NEK6: variants seen among roughly 807,000 people sequenced by gnomAD.
The protein encoded by NEK6 is NIMA related kinase 6.
A neutral mutation model predicts 43.5 loss-of-function variants in NEK6; 27 were observed. That is an observed-to-expected ratio of 0.62 (90% confidence interval 0.46 to 0.86). The LOEUF (loss-of-function observed/expected upper bound fraction) is 0.86. Ranked by LOEUF, NEK6 falls within the 40% of genes least tolerant of loss-of-function variation. The pLI is 0.00. For missense variants in NEK6, 318 were observed against 414.4 expected (o/e 0.77, Z 2.02); for synonymous variants, 167 against 164.1 (o/e 1.02, Z -0.14).
intron 1 of NEK6, among the ~76,000 whole-genome samples, chr9:124,263,401 C>T (rs1349100986): frequency 6.6e-6 from 1 of 152,198 alleles, no homozygotes; most frequent in Non-Finnish European, 1.5e-5. Flanking sequence ...AGGCTGGAGT[C>T]CCAGACCTGC....
intron 1 of NEK6, among the ~76,000 whole-genome samples, chr9:124,277,691 T>C (rs1831701724): frequency 6.6e-6 from 1 of 152,200 alleles, no homozygotes; most frequent in Non-Finnish European, 1.5e-5. Context: ...TATTTCTGCG[T>C]GTCGTTTATT....
At chr9:124,303,006 A>G (rs2130803271) in intron 2 of NEK6, among the ~76,000 whole-genome samples, 1 of 152,360 alleles carries the variant, frequency 6.6e-6, no homozygotes, top group Middle Eastern at 3.4e-3. Context: ...CTTACGGAGC[A>G]CACAGCCTCA....
At chr9:124,308,620 C>T (rs181652351) in intron 2 of NEK6, among the ~76,000 whole-genome samples, 5 of 150,668 alleles carry the variant, frequency 3.3e-5, no homozygotes, top group Admixed American at 1.3e-4. Flanking sequence ...CGCGCCACAG[C>T]GCTCCAGCCT....
At chr9:124,350,804 C>CT in intron 9 of NEK6, 33 bp from the exon 10 acceptor site, 1 of 1,519,360 alleles carries the variant, frequency 6.6e-7, no homozygotes, top group Non-Finnish European at 9.1e-7. Flanking sequence ...AGACTGCTTT[C>CT]TTGAGAATAA....
rs867377073 is a variant in NEK6, at chr9:124,337,301, G to A, written c.623-2270G>A. ...TTTCCTCAGTGTTGGCGTTTCCTGC[G>A]GGGAGAAGAGGGACCCTGAGGACAG... On this transcript the variant is annotated intron_variant, in intron 7 of 9. Transcript: ENST00000320246. 3.9e-5 allele frequency among the ~76,000 whole-genome samples: 6 copies of A among 152,192 alleles called. 1 individual carries two copies. The South Asian group carries it at 1.0e-3, about 26-fold the overall frequency.
chr9:124,319,308 TG>T (rs753524053), intron 4 of NEK6, among the ~76,000 whole-genome samples: 8,461 of 147,766 alleles, frequency 0.057, 399 homozygotes, highest in African/African-American at 0.14. Context: ...TTTAATGTTT[TG>T]TTTTTTTTTA....
At chr9:124,294,168 C>T (rs1025401993) in intron 1 of NEK6, among the ~76,000 whole-genome samples, 1 of 152,168 alleles carries the variant, frequency 6.6e-6, no homozygotes, top group Admixed American at 6.5e-5. Context: ...TAGTTCGAGA[C>T]CAGCCTGACC....
intron 7 of NEK6, among the ~76,000 whole-genome samples, chr9:124,337,129 C>T (rs1829337971): frequency 6.6e-6 from 1 of 152,236 alleles, no homozygotes; most frequent in South Asian, 2.1e-4. Flanking sequence ...AGCCCCTCTG[C>T]TGAGGTGTTC....
In NEK6 at chr9:124,343,942, G is replaced by A. The variant is rs965391692; in HGVS notation, c.718-3767G>A. The stretch of plus-strand genomic sequence containing the variant: ...ACATAAGTTTACTCTCTTAGATCTC[G>A]AGGATTCTGGAGGCCAGATGTCCAA... On this transcript the variant is annotated intron_variant, in intron 8 of 9. Coordinates refer to ENST00000320246, the MANE Select transcript of NEK6 (RefSeq NM_014397.6). This position sits in a 1 kb window ranked among gnomAD's most constrained non-coding sequence, Gnocchi z 5.1. 2.6e-5 allele frequency among the ~76,000 whole-genome samples: 4 copies of A among 152,200 alleles called. No individual in the cohort carries two copies. The highest frequency in any genetic ancestry group is 4.8e-5 in the African/African-American group (2 of 41,456).
chr9:124,274,218 G>A (rs577254775), intron 1 of NEK6, among the ~76,000 whole-genome samples: 2 of 152,384 alleles, frequency 1.3e-5, no homozygotes, highest in South Asian at 4.1e-4. Context: ...CATCCAATCT[G>A]CTTCCTGCGC....
chr9:124,338,469 C>T (rs148087500), intron 7 of NEK6, among the ~76,000 whole-genome samples: 2,818 of 152,276 alleles, frequency 0.019, 41 homozygotes, highest in Middle Eastern at 0.041. Flanking sequence ...GTGAAGAGTC[C>T]GTTGTCAGGT....
chr9:124,309,052 G>A (rs1350343887), intron 2 of NEK6, among the ~76,000 whole-genome samples: 2 of 152,104 alleles, frequency 1.3e-5, no homozygotes, highest in Non-Finnish European at 2.9e-5. Context: ...CCAGGACTCT[G>A]CTGGCCCAGG....
At chr9:124,279,927 G>A (rs754277198) in intron 1 of NEK6, among the ~76,000 whole-genome samples, 4 of 152,254 alleles carry the variant, frequency 2.6e-5, no homozygotes, top group Non-Finnish European at 5.9e-5. Flanking sequence ...CCCTCGGACA[G>A]CACATGGCTT....
At chr9:124,340,732 A>G (rs1186317963) in intron 8 of NEK6, among the ~76,000 whole-genome samples, 1 of 152,172 alleles carries the variant, frequency 6.6e-6, no homozygotes, top group Non-Finnish European at 1.5e-5. Flanking sequence ...GTGGCCGGTG[A>G]CAGTCCACAG....
At chr9:124,322,983 C>G (rs1453877248) in intron 5 of NEK6, among the ~76,000 whole-genome samples, 1 of 152,226 alleles carries the variant, frequency 6.6e-6, no homozygotes, top group East Asian at 1.9e-4. Flanking sequence ...TGTGCTAGAT[C>G]ATGTCTTAGC....
chr9:124,305,553 C>CAAAA (rs11445181), intron 2 of NEK6, among the ~76,000 whole-genome samples: 2 of 123,738 alleles, frequency 1.6e-5, no homozygotes, highest in Non-Finnish European at 1.7e-5. Flanking sequence ...GACCCCATCT[C>CAAAA]AAAAAAAAAA....
chr9:124,264,076 T>G (rs1831134768), intron 1 of NEK6, among the ~76,000 whole-genome samples: 1 of 152,250 alleles, frequency 6.6e-6, no homozygotes. Flanking sequence ...CGTCTTCCCC[T>G]GGCAGTCCTC....
intron 8 of NEK6, among the ~76,000 whole-genome samples, chr9:124,344,154 TTC>T (rs1400012157): frequency 1.4e-4 from 21 of 152,294 alleles, no homozygotes; most frequent in African/African-American, 5.1e-4. Flanking sequence ...TTCTGTGCCC[TTC>T]TCTCTCGGGC....
rs79569297 is a variant in NEK6 at position 124,307,087 on chromosome 9, A to T, written c.90+5033A>T. On this transcript the variant is annotated intron_variant, in intron 2 of 9. Transcript: ENST00000320246. ...GAGATTTCAGAAAATTAATTGGGCG[A>T]ATGCATTTTTATTCTTTTAGCATGT... Among the ~76,000 whole-genome samples the T allele has an allele frequency of 7.3e-3, 1,118 of 152,178 alleles. 10 individuals carry two copies. The highest frequency in any genetic ancestry group is 0.026 in the African/African-American group (1,060 of 41,510).
Sources: gnomAD v4.1 joint callset for allele counts (sites outside exome capture counted in the v4.1 genomes callset) on GRCh38, gnomAD v4.1.1 for gene constraint, Gnocchi (gnomAD v3.1) non-coding constraint, MANE v1.5 for transcripts, NCBI Gene and HGNC (gene_info 2026-07-23, HGNC 2026-07-21) for gene names.